NYAP2: variants seen among roughly 807,000 people sequenced by gnomAD.
The protein encoded by NYAP2 is neuronal tyrosine-phosphorylated phosphoinositide-3-kinase adapter 2.
Under a neutral mutation model 50.4 loss-of-function variants are expected in NYAP2, and 23 were observed. That is an observed-to-expected ratio of 0.46 (90% CI 0.33 to 0.65). The LOEUF (loss-of-function observed/expected upper bound fraction) is 0.65. Ranked by LOEUF, NYAP2 falls within the 30% of genes least tolerant of loss-of-function variation. NYAP2 has a pLI of 0.02. For missense variants in NYAP2, 885 were observed against 861.0 expected (o/e 1.03, Z -0.35); for synonymous variants, 394 against 365.2 (o/e 1.08, Z -0.90).
intron 4 of NYAP2, among the ~76,000 whole-genome samples, chr2:225,525,462 G>A (rs1382691589): frequency 1.3e-5 from 2 of 152,104 alleles, no homozygotes; most frequent in African/African-American, 2.4e-5. Context: ...TGAATGAAAT[G>A]TCTTTTCTAT....
chr2:225,525,840 G>A (rs1574658773), intron 4 of NYAP2, among the ~76,000 whole-genome samples: 1 of 152,212 alleles, frequency 6.6e-6, no homozygotes, highest in Non-Finnish European at 1.5e-5. Context: ...ATTCTAAGAC[G>A]GTATTCAAGA....
At chr2:225,640,889 G>GA (rs1482767880) in intron 6 of NYAP2, among the ~76,000 whole-genome samples, 1 of 152,048 alleles carries the variant, frequency 6.6e-6, no homozygotes, top group Non-Finnish European at 1.5e-5. Context: ...AACACTGCTA[G>GA]AAAAAAATAC....
intron 3 of NYAP2, among the ~76,000 whole-genome samples, chr2:225,503,895 G>A (rs1690653384): frequency 6.6e-6 from 1 of 151,488 alleles, no homozygotes; most frequent in Non-Finnish European, 1.5e-5. Context: ...TTTACTGTCT[G>A]GATTTGGAAG....
At chr2:225,545,940 T>C (rs1333451024) in intron 4 of NYAP2, among the ~76,000 whole-genome samples, 1 of 152,208 alleles carries the variant, frequency 6.6e-6, no homozygotes, top group Non-Finnish European at 1.5e-5. Context: ...TACAGACTCA[T>C]AGATGTACTG....
At chr2:225,577,803 C>G (rs1295657177) in intron 4 of NYAP2, among the ~76,000 whole-genome samples, 2 of 77,878 alleles carry the variant, frequency 2.6e-5, no homozygotes, top group East Asian at 6.1e-4. Context: ...GAATGAAAAG[C>G]AGATTTTTTT....
intron 3 of NYAP2, among the ~76,000 whole-genome samples, chr2:225,510,435 A>G (rs999640053): frequency 6.6e-6 from 1 of 152,222 alleles, no homozygotes; most frequent in Admixed American, 6.5e-5. Context: ...ATTCTGATTC[A>G]ACAGGTATGA....
chr2:225,529,742 C>G lies in NYAP2; in HGVS notation c.523+16070C>G, dbSNP rs188009288. Reference sequence around the variant, plus strand: ...TTATTTTTTGAGACGGAGTCTCACTCTGTCGCCCAGGCTAGGGTGCAGTGG... The same window carrying G: ...TTATTTTTTGAGACGGAGTCTCACTGTGTCGCCCAGGCTAGGGTGCAGTGG... On this transcript the variant is annotated intron_variant, in intron 4 of 6. Transcript: ENST00000636099. Among the ~76,000 whole-genome samples, 351 of 151,776 alleles carry G rather than the reference C, an allele frequency of 2.3e-3. 4 individuals carry two copies. Among genetic ancestry groups the G allele is most frequent in the African/African-American group, 6.1e-3 (252 of 41,386 alleles).
At chr2:225,664,047 C>A in the NYAP2 span, among the ~76,000 whole-genome samples, 1 of 152,058 alleles carries the variant, frequency 6.6e-6, no homozygotes, top group East Asian at 1.9e-4. Context: ...CTGTCTCTTC[C>A]CTGTACTTAC....
intron 5 of NYAP2, among the ~76,000 whole-genome samples, chr2:225,612,811 T>TGTGTGTGATGACATCACACCCAAA (rs1692920659): frequency 1.7e-5 from 1 of 59,688 alleles, no homozygotes; most frequent in African/African-American, 6.3e-5. Context: ...TCACACCCAA[T>TGTGTGTGATGACATCACACCCAAA]GTGTGTGATG....
intron 4 of NYAP2, among the ~76,000 whole-genome samples, chr2:225,566,516 G>A (rs967507426): frequency 6.6e-6 from 1 of 152,226 alleles, no homozygotes; most frequent in Non-Finnish European, 1.5e-5. Context: ...TTTTCTTTAA[G>A]ATAATATCCC....
At chr2:225,681,068 C>A in the NYAP2 span, among the ~76,000 whole-genome samples, 1 of 152,108 alleles carries the variant, frequency 6.6e-6, no homozygotes, top group South Asian at 2.1e-4. Context: ...AAATATAACC[C>A]AAAAATTTAC....
chr2:225,547,166 T>C (rs540848857), intron 4 of NYAP2, among the ~76,000 whole-genome samples: 1 of 152,340 alleles, frequency 6.6e-6, no homozygotes, highest in Non-Finnish European at 1.5e-5. Flanking sequence ...CCATTAGGTT[T>C]CCTGATTCTG....
chr2:225,427,225 T>C (rs1318900277), intron 3 of NYAP2, among the ~76,000 whole-genome samples: 1 of 152,190 alleles, frequency 6.6e-6, no homozygotes, highest in Non-Finnish European at 1.5e-5. Flanking sequence ...TATTCAATCT[T>C]ACCTCAAATA....
At chr2:225,687,661 A>G in the NYAP2 span, among the ~76,000 whole-genome samples, 2 of 152,220 alleles carry the variant, frequency 1.3e-5, no homozygotes, top group Non-Finnish European at 2.9e-5. Flanking sequence ...ACATATGTGT[A>G]AATATGCATA....
At chr2:225,547,860 G>T (rs960136607) in intron 4 of NYAP2, among the ~76,000 whole-genome samples, 1 of 152,094 alleles carries the variant, frequency 6.6e-6, no homozygotes, top group African/African-American at 2.4e-5. Context: ...CGTGGGGTTG[G>T]GGTGGTGATG....
At chr2:225,491,365 T>C (rs1443305877) in intron 3 of NYAP2, among the ~76,000 whole-genome samples, 1 of 152,218 alleles carries the variant, frequency 6.6e-6, no homozygotes, top group Non-Finnish European at 1.5e-5. Context: ...TCATTAGGCT[T>C]CTGGGTCCTA....
intron 5 of NYAP2, among the ~76,000 whole-genome samples, chr2:225,596,432 T>G (rs2106238676): frequency 6.6e-6 from 1 of 152,308 alleles, no homozygotes; most frequent in Admixed American, 6.5e-5. Flanking sequence ...TGGCATAAAG[T>G]GTATGCTCAG....
intron 3 of NYAP2, among the ~76,000 whole-genome samples, chr2:225,439,564 T>C (rs1243492651): frequency 6.6e-6 from 1 of 152,110 alleles, no homozygotes; most frequent in African/African-American, 2.4e-5. Context: ...ACCAAGGCAA[T>C]GAGAGACAAG....
chr2:225,442,346 G>A (rs950239589), intron 3 of NYAP2, among the ~76,000 whole-genome samples: 1 of 152,086 alleles, frequency 6.6e-6, no homozygotes, highest in Non-Finnish European at 1.5e-5. Flanking sequence ...AGAATAATCA[G>A]CTTATTAAAA....
Sources: allele counts gnomAD v4.1 joint callset (sites outside exome capture counted in the v4.1 genomes callset), GRCh38; gene constraint gnomAD v4.1.1; transcripts MANE v1.5; gene names NCBI Gene and HGNC (gene_info 2026-07-23, HGNC 2026-07-21).